Variants in EFR3A observed in about 807,000 individuals in gnomAD.
EFR3A encodes EFR3 homolog A, also known as protein EFR3 homolog A.
EFR3A carries 76 observed loss-of-function variants against 104.4 expected under a neutral mutation model. The ratio of observed to expected loss-of-function variants is 0.73; its 90% confidence interval spans 0.60 to 0.88. EFR3A has a LOEUF of 0.88. Among genes scored for constraint, EFR3A ranks in the 40% least tolerant of loss-of-function variants. EFR3A has a pLI of 0.00. For synonymous variants in EFR3A, 330 were observed against 330.0 expected (o/e 1.00, Z 0.00); for missense variants, 985 against 1,012.5 (o/e 0.97, Z 0.37).
intron 1 of EFR3A, among the ~76,000 whole-genome samples, chr8:131,936,881 T>A (rs560754937): frequency 8.5e-5 from 13 of 152,108 alleles, no homozygotes; most frequent in Admixed American, 7.9e-4. Flanking sequence ...ACCCAGTCCT[T>A]TTCGGTTTTT....
rs566737801 is a variant in EFR3A, at chr8:131,988,173, A to C, written c.2065+471A>C. 4.5e-5 allele frequency among the ~76,000 whole-genome samples: 6 copies of C among 134,326 alleles called. No homozygotes were observed. In the South Asian group the frequency reaches 8.4e-4, roughly 19 times the overall value. The allele number at this position is 134,326 out of a possible 152,430, so 88.1% of individuals were successfully genotyped here. On this transcript the variant is annotated intron_variant, in intron 18 of 22. Coordinates refer to ENST00000254624, the MANE Select transcript of EFR3A (RefSeq NM_015137.6). ...ATTTTTTTTTCTCTGTGAACTATAT[A>C]TTTTCTCTGTGAACTATATATTTTC...
intron 19 of EFR3A, among the ~76,000 whole-genome samples, chr8:132,000,520 A>G (rs942643495): frequency 2.0e-5 from 3 of 152,126 alleles, no homozygotes; most frequent in Non-Finnish European, 4.4e-5. Context: ...AGGGTAAGGT[A>G]TTTTAGCTCT....
chr8:131,954,042 G>GT, intron 6 of EFR3A, 75 bp downstream of exon 6: 1 of 1,347,644 alleles, frequency 7.4e-7, no homozygotes, highest in Admixed American at 3.1e-5. Context: ...GGATAAGAAT[G>GT]TTTTGTCTTT....
chr8:131,921,546 TACA>T (rs914256663), intron 1 of EFR3A, among the ~76,000 whole-genome samples: 1 of 152,196 alleles, frequency 6.6e-6, no homozygotes, highest in Non-Finnish European at 1.5e-5. Flanking sequence ...GACTTTTACT[TACA>T]ACATTTTCAT....
intron 1 of EFR3A, among the ~76,000 whole-genome samples, chr8:131,923,610 C>G (rs1271957960): frequency 1.3e-5 from 2 of 150,002 alleles, no homozygotes; most frequent in Non-Finnish European, 3.0e-5. Context: ...AAAGATTCAT[C>G]TCATTTTAGT....
chr8:131,935,485 C>T lies in EFR3A; in HGVS notation c.11-5014C>T, dbSNP rs1172541079. ...GCATGAAGGACCAAAATCCAGTAAT[C>T]GTAGGCACTGTCATTTAAAAGTATG... On this transcript the variant is annotated intron_variant, in intron 1 of 22. Transcript: ENST00000254624. 8 of 446,904 alleles carry T rather than the reference C, an allele frequency of 1.8e-5. No homozygotes were observed. In the East Asian group the frequency reaches 2.2e-4, roughly 12 times the overall value. 27.7% of individuals were successfully genotyped at this position (446,904 alleles called of 1,614,324 possible). A position where few individuals can be genotyped will look rare whatever the true frequency, so the allele number is the denominator to read the frequency against.
In EFR3A at chr8:131,996,437, T is replaced by C; in HGVS notation, c.2097T>C (p.Ile699=). 1 of 1,596,962 alleles carries C rather than the reference T, an allele frequency of 6.3e-7. No individual in the cohort carries two copies. The change falls in exon 19 of 23, where the codon ATT becomes ATC. Residue 699 remains isoleucine (I), a synonymous_variant. Transcript: ENST00000254624. The stretch of plus-strand genomic sequence containing the variant: ...ATCGACTTTCTAGAAGAAAAAGCAT[T>C]GTGGACACCGTATCCATTCAGGTGG... ...DEDRLSRRKS[I]VDTVSIQVDI...
intron 19 of EFR3A, among the ~76,000 whole-genome samples, chr8:132,000,154 A>G (rs1465322758): frequency 6.6e-6 from 1 of 151,908 alleles, no homozygotes. Context: ...TTTGAGACGG[A>G]GTCTTGTTCT....
intron 11 of EFR3A, 53 bp downstream of exon 11, chr8:131,976,194 A>G: frequency 8.8e-7 from 1 of 1,138,532 alleles, no homozygotes; most frequent in Non-Finnish European, 1.3e-6. Context: ...ATTTTATCCT[A>G]ACGAAATCTA....
intron 1 of EFR3A, among the ~76,000 whole-genome samples, chr8:131,912,407 T>C (rs1311386481): frequency 6.6e-6 from 1 of 152,154 alleles, no homozygotes; most frequent in Non-Finnish European, 1.5e-5. Context: ...ATACTATGAA[T>C]CCTATGTGGT....
At chr8:131,926,450 C>T (rs1031023833) in intron 1 of EFR3A, among the ~76,000 whole-genome samples, 4 of 151,984 alleles carry the variant, frequency 2.6e-5, no homozygotes, top group African/African-American at 4.8e-5. Context: ...CTTCTTATTT[C>T]GTGTGGTCAA....
In EFR3A at chr8:132,012,161, C is replaced by A. The variant is rs137861907; in HGVS notation, c.*1266C>A. The A allele has an allele frequency of 1.1e-4, 17 of 152,240 alleles. No individual in the cohort carries two copies. The East Asian group carries it at 3.1e-3, about 28-fold the overall frequency. 9.4% of individuals were successfully genotyped at this position (152,240 alleles called of 1,614,324 possible). Reference sequence around the variant, plus strand: ...AGTTCTATCTTTTCAGATTCCATTTCTTTTTACATAAAACAGCATACATAT... The same window carrying A: ...AGTTCTATCTTTTCAGATTCCATTTATTTTTACATAAAACAGCATACATAT... On this transcript the variant is annotated 3_prime_UTR_variant, in exon 23 of 23. Transcript: ENST00000254624.
intron 13 of EFR3A, 99 bp from the exon 14 acceptor site, chr8:131,979,247 C>T: frequency 3.8e-6 from 4 of 1,051,640 alleles, no homozygotes; most frequent in Non-Finnish European, 5.5e-6. Flanking sequence ...TACATACAGG[C>T]TTATCAAACT....
intron 8 of EFR3A, among the ~76,000 whole-genome samples, chr8:131,962,263 G>A (rs1421062939): frequency 1.3e-5 from 2 of 152,144 alleles, no homozygotes; most frequent in Non-Finnish European, 2.9e-5. Context: ...TCACAGACTG[G>A]CAAATTGGAT....
intron 1 of EFR3A, among the ~76,000 whole-genome samples, chr8:131,927,770 T>C (rs1817373935): frequency 6.6e-6 from 1 of 152,100 alleles, no homozygotes; most frequent in African/African-American, 2.4e-5. Flanking sequence ...CTTCACTTAC[T>C]GGAAATTGAA....
rs1816853243 is a variant in EFR3A at position 131,918,619 on chromosome 8, G to A, written c.10+14297G>A. 3.9e-5 allele frequency among the ~76,000 whole-genome samples: 6 copies of A among 152,048 alleles called. 1 individual carries two copies. The highest frequency in any genetic ancestry group is 3.9e-4 in the Admixed American group (6 of 15,262). The stretch of plus-strand genomic sequence containing the variant: ...ACTGCTACTTGTCTTTTCAGTTACT[G>A]TTTAATCAGAAAATGTAATCATCTC... On this transcript the variant is annotated intron_variant, in intron 1 of 22. Coordinates refer to ENST00000254624, the MANE Select transcript of EFR3A (RefSeq NM_015137.6).
chr8:131,915,569 A>G (rs1037947539), intron 1 of EFR3A, among the ~76,000 whole-genome samples: 1 of 152,218 alleles, frequency 6.6e-6, no homozygotes, highest in Admixed American at 6.5e-5. Context: ...TAACACAGAG[A>G]ATGGCAAGCA....
At chr8:131,997,828 TCTTA>T (rs1586672354) in intron 19 of EFR3A, among the ~76,000 whole-genome samples, 1 of 152,072 alleles carries the variant, frequency 6.6e-6, no homozygotes, top group Admixed American at 6.5e-5. Context: ...TGTTAACTAT[TCTTA>T]CTTCTTTCAA....
At chr8:131,993,661 C>T (rs1378367935) in intron 18 of EFR3A, among the ~76,000 whole-genome samples, 2 of 148,926 alleles carry the variant, frequency 1.3e-5, no homozygotes, top group Non-Finnish European at 3.0e-5. Context: ...TTTGGGAGGC[C>T]GAGGTAGGAG....
Sources: allele counts gnomAD v4.1 joint callset (sites outside exome capture counted in the v4.1 genomes callset), GRCh38; gene constraint gnomAD v4.1.1; transcripts MANE v1.5; gene names NCBI Gene and HGNC (gene_info 2026-07-23, HGNC 2026-07-21).